The following PARD3 variants were observed in gnomAD, a reference collection of about 807,000 sequenced individuals.
PARD3 encodes partitioning defective 3 homolog.
A neutral mutation model predicts 155.4 loss-of-function variants in PARD3; 75 were observed. The ratio of observed to expected loss-of-function variants is 0.48; its 90% CI spans 0.40 to 0.58. The LOEUF is 0.58. Ranked by LOEUF, PARD3 falls within the 20% of genes least tolerant of loss-of-function variation. The pLI is 0.00. For synonymous variants in PARD3, 576 were observed against 610.5 expected, an observed-to-expected ratio of 0.94 and a Z score of 0.83; for missense variants, 1,642 against 1,721.7, an observed-to-expected ratio of 0.95 and a Z score of 0.82.
chr10:34,670,324 C>T (rs1020172856), intron 2 of PARD3, among the ~76,000 whole-genome samples: 1 of 152,224 alleles, frequency 6.6e-6, no homozygotes, highest in Non-Finnish European at 1.5e-5. Flanking sequence ...GCCAGGCCGC[C>T]GCTGGCTCTC....
At chr10:34,126,818 GA>G (rs550942430) in intron 23 of PARD3, among the ~76,000 whole-genome samples, 2,606 of 73,280 alleles carry the variant, frequency 0.036, 36 homozygotes, top group African/African-American at 0.084. Flanking sequence ...TCTTGAAAAT[GA>G]AAAAAAAAAA....
At chr10:34,470,021 T>G in intron 4 of PARD3, 64 bp downstream of exon 4, 3 of 1,328,016 alleles carry the variant, frequency 2.3e-6, no homozygotes, top group Non-Finnish European at 3.1e-6. Context: ...GACACGACAC[T>G]CATCACGGAC....
chr10:34,775,196 A>G (rs563818684), intron 1 of PARD3, among the ~76,000 whole-genome samples: 13 of 152,322 alleles, frequency 8.5e-5, no homozygotes, highest in South Asian at 4.1e-4. Context: ...CTAAATTTAT[A>G]TACTACTGAA....
At chr10:34,717,825 A>G (rs145573042) in intron 1 of PARD3, among the ~76,000 whole-genome samples, 1 of 152,314 alleles carries the variant, frequency 6.6e-6, no homozygotes, top group East Asian at 1.9e-4. Flanking sequence ...GTACAGCCAA[A>G]TCTATAATAA....
chr10:34,795,853 C>T (rs1842190929), intron 1 of PARD3, among the ~76,000 whole-genome samples: 1 of 151,940 alleles, frequency 6.6e-6, no homozygotes, highest in South Asian at 2.1e-4. Flanking sequence ...GAGATCGTGC[C>T]ATTGCACTCC....
At chr10:34,281,676 C>T (rs1956165508) in intron 21 of PARD3, among the ~76,000 whole-genome samples, 1 of 152,118 alleles carries the variant, frequency 6.6e-6, no homozygotes, top group Admixed American at 6.5e-5. Flanking sequence ...CTAAATAGAT[C>T]TTAACATTGA....
chr10:34,600,962 ATTTTTTTTTT>A (rs1028271994), intron 2 of PARD3, among the ~76,000 whole-genome samples: 91 of 90,102 alleles, frequency 1.0e-3, no homozygotes, highest in African/African-American at 3.8e-3. Flanking sequence ...CATTTTTTTA[ATTTTTTTTTT>A]TTTTTTTTTT....
At chr10:34,233,237 G>A (rs902036126) in intron 22 of PARD3, among the ~76,000 whole-genome samples, 3 of 151,726 alleles carry the variant, frequency 2.0e-5, no homozygotes, top group Non-Finnish European at 2.9e-5. Context: ...TCTTAGGTCC[G>A]CTAGAAACAG....
intron 5 of PARD3, among the ~76,000 whole-genome samples, chr10:34,439,881 G>A (rs1456716025): frequency 6.6e-6 from 1 of 151,876 alleles, no homozygotes. Flanking sequence ...TATTTAAAAA[G>A]ATAATCCACA....
intron 22 of PARD3, among the ~76,000 whole-genome samples, chr10:34,186,367 A>G (rs1353109986): frequency 3.3e-5 from 5 of 151,372 alleles, no homozygotes; most frequent in African/African-American, 1.2e-4. Context: ...TAAAAAAAAA[A>G]AAAAAAAAAG....
At chr10:34,357,255 A>G (rs184345816) in intron 14 of PARD3, among the ~76,000 whole-genome samples, 21 of 152,286 alleles carry the variant, frequency 1.4e-4, no homozygotes, top group Admixed American at 1.2e-3. Flanking sequence ...GTAGCATTCA[A>G]TGTTTTCTGT....
At chr10:34,680,006 T>A (rs1357373649) in intron 2 of PARD3, among the ~76,000 whole-genome samples, 1 of 152,088 alleles carries the variant, frequency 6.6e-6, no homozygotes, top group Non-Finnish European at 1.5e-5. Context: ...AGGTGATGGA[T>A]GCACTAAAAG....
At chr10:34,354,638 TAA>T (rs757108546) in intron 14 of PARD3, among the ~76,000 whole-genome samples, 100 of 152,218 alleles carry the variant, frequency 6.6e-4, no homozygotes, top group Non-Finnish European at 1.2e-3. Flanking sequence ...AAGACTGCGT[TAA>T]GTCTTTGCTA....
At chr10:34,271,096 A>T (rs2133863141) in intron 21 of PARD3, among the ~76,000 whole-genome samples, 1 of 152,280 alleles carries the variant, frequency 6.6e-6, no homozygotes, top group Non-Finnish European at 1.5e-5. Flanking sequence ...ATAAAGCAAC[A>T]CTTTAGACTG....
intron 7 of PARD3, among the ~76,000 whole-genome samples, chr10:34,385,325 G>C (rs1371793687): frequency 6.6e-6 from 1 of 151,954 alleles, no homozygotes; most frequent in African/African-American, 2.4e-5. Flanking sequence ...TAGTAGAGCT[G>C]GGGTTTCACC....
chr10:34,262,149 T>C (rs543983052), intron 22 of PARD3, among the ~76,000 whole-genome samples: 20 of 152,220 alleles, frequency 1.3e-4, no homozygotes, highest in Non-Finnish European at 2.5e-4. Context: ...ATCTACTGAA[T>C]CAAAATATCT....
At chr10:34,384,092 G>C (rs1335592279) in intron 8 of PARD3, 37 bp downstream of exon 8, 2 of 1,601,982 alleles carry the variant, frequency 1.2e-6, no homozygotes, top group East Asian at 2.2e-5. Flanking sequence ...CATGCCTAAT[G>C]CAAGTAAGAA....
At chr10:34,803,170 C>T (rs1402861396) in intron 1 of PARD3, among the ~76,000 whole-genome samples, 1 of 150,330 alleles carries the variant, frequency 6.7e-6, no homozygotes, top group Non-Finnish European at 1.5e-5. Flanking sequence ...ACCCAGGAGA[C>T]GGACGTTGCA....
At chr10:34,709,948 A>C (rs2094426839) in intron 1 of PARD3, among the ~76,000 whole-genome samples, 1 of 151,948 alleles carries the variant, frequency 6.6e-6, no homozygotes, top group Non-Finnish European at 1.5e-5. Context: ...GAATACAGGA[A>C]GCCAGCATTC....
Sources: allele counts gnomAD v4.1 joint callset (sites outside exome capture counted in the v4.1 genomes callset), GRCh38; gene constraint gnomAD v4.1.1; transcripts MANE v1.5; gene names NCBI Gene and HGNC (gene_info 2026-07-23, HGNC 2026-07-21).